UNC79: variants seen among roughly 807,000 people sequenced by gnomAD.
UNC79 encodes protein unc-79 homolog.
Under a neutral mutation model 283.1 loss-of-function variants are expected in UNC79, and 37 were observed. That is an observed-to-expected ratio of 0.13 (90% confidence interval 0.10 to 0.17). The LOEUF is 0.17. UNC79 is among the 10% of genes least tolerant of loss of function. The pLI is 1.00. For synonymous variants in UNC79, 1,107 were observed against 1,200.2 expected (o/e 0.92, Z 1.61); for missense variants, 2,272 against 3,211.1 (o/e 0.71, Z 7.07).
exon 25 of UNC79, chr14:93,600,751 G>A: frequency 6.2e-7 from 1 of 1,613,056 alleles, no homozygotes; most frequent in South Asian, 1.1e-5. Context: ...ATTGTAACAA[G>A]GAATTTCCTT....
rs2056761266 is a variant in UNC79, at chr14:93,455,183, G to A, written c.23-12488G>A. 2.0e-5 allele frequency among the ~76,000 whole-genome samples: 3 copies of A among 152,158 alleles called. No individual in the cohort carries two copies. The South Asian group carries it at 6.2e-4, about 32-fold the overall frequency. Reference sequence around the variant, plus strand: ...TGGACTGTTCAGCCTCTCTACCTGTGTATCCTCTTCCACAACCCTTCATTT... The same window carrying A: ...TGGACTGTTCAGCCTCTCTACCTGTATATCCTCTTCCACAACCCTTCATTT... On this transcript the variant is annotated intron_variant, in intron 1 of 48. Coordinates refer to ENST00000555664, the Ensembl canonical transcript of UNC79.
chr14:93,424,933 T>C (rs2055691117), intron 1 of UNC79, among the ~76,000 whole-genome samples: 1 of 152,186 alleles, frequency 6.6e-6, no homozygotes, highest in Non-Finnish European at 1.5e-5. Flanking sequence ...CTGATGTGCG[T>C]ATTACACATT....
At chr14:93,400,781 G>T (rs2055093257) in intron 1 of UNC79, among the ~76,000 whole-genome samples, 2 of 152,102 alleles carry the variant, frequency 1.3e-5, no homozygotes, top group Non-Finnish European at 2.9e-5. Flanking sequence ...ATCATGGAAG[G>T]GATTTCAATG....
intron 42 of UNC79, among the ~76,000 whole-genome samples, chr14:93,682,957 A>G (rs2073958229): frequency 6.6e-6 from 1 of 152,246 alleles, no homozygotes; most frequent in South Asian, 2.1e-4. Context: ...AAATGCTGTG[A>G]AAATGTTATC....
At chr14:93,507,663 A>C (rs2059613409) in intron 7 of UNC79, among the ~76,000 whole-genome samples, 2 of 151,944 alleles carry the variant, frequency 1.3e-5, no homozygotes, top group African/African-American at 4.8e-5. Context: ...TCTTGGGGTT[A>C]CTCTTTTATT....
chr14:93,622,391 C>T (rs748904903), exon 30 of UNC79: 1 of 1,614,082 alleles, frequency 6.2e-7, no homozygotes, highest in Non-Finnish European at 8.5e-7. Context: ...TCTGGAAGAC[C>T]CTATGGACGC....
intron 11 of UNC79, among the ~76,000 whole-genome samples, chr14:93,532,854 T>A (rs2060894572): frequency 6.6e-6 from 1 of 152,144 alleles, no homozygotes; most frequent in African/African-American, 2.4e-5. Context: ...AGGAGTCCAA[T>A]TAGAAAAAGG....
At chr14:93,685,747 A>T (rs1212533507) in intron 42 of UNC79, among the ~76,000 whole-genome samples, 2 of 152,150 alleles carry the variant, frequency 1.3e-5, no homozygotes, top group African/African-American at 4.8e-5. Flanking sequence ...ACCCAGCCTG[A>T]TGTGTGGTTT....
chr14:93,677,498 G>C (rs190593074), intron 41 of UNC79, among the ~76,000 whole-genome samples: 21 of 152,260 alleles, frequency 1.4e-4, no homozygotes, highest in African/African-American at 5.1e-4. Flanking sequence ...ACTACCATGA[G>C]AACAGTATGG....
At chr14:93,528,095 T>C (rs994466312) in intron 8 of UNC79, among the ~76,000 whole-genome samples, 3 of 152,164 alleles carry the variant, frequency 2.0e-5, no homozygotes, top group Non-Finnish European at 2.9e-5. Flanking sequence ...TTGAATAAGG[T>C]ATGCCTTAAG....
At chr14:93,410,496 T>C (rs1478808315) in intron 1 of UNC79, among the ~76,000 whole-genome samples, 1 of 152,124 alleles carries the variant, frequency 6.6e-6, no homozygotes, top group Non-Finnish European at 1.5e-5. Flanking sequence ...GGGGAGTGCT[T>C]GTGCCACCCC....
intron 10 of UNC79, among the ~76,000 whole-genome samples, chr14:93,530,737 G>A (rs1213972228): frequency 1.3e-5 from 2 of 152,044 alleles, no homozygotes; most frequent in Non-Finnish European, 2.9e-5. Context: ...GTGAAACCCC[G>A]TCACTACTAA....
intron 1 of UNC79, among the ~76,000 whole-genome samples, chr14:93,413,027 T>C (rs1470745359): frequency 6.6e-6 from 1 of 152,140 alleles, no homozygotes; most frequent in African/African-American, 2.4e-5. Context: ...TGTAGACAAC[T>C]CTTATTTTTT....
intron 25 of UNC79, among the ~76,000 whole-genome samples, chr14:93,601,197 G>A (rs144275189): frequency 0.01 from 1,555 of 152,158 alleles, 28 homozygotes; most frequent in African/African-American, 0.035. Flanking sequence ...TGGTGCACCC[G>A]TCACCTGAGC....
intron 30 of UNC79, among the ~76,000 whole-genome samples, chr14:93,623,597 T>TA (rs202048493): frequency 0.015 from 2,289 of 152,294 alleles, 37 homozygotes; most frequent in South Asian, 0.077. Flanking sequence ...TCAGATCTTT[T>TA]AAAAAAAGTT....
chr14:93,479,173 T>TTCCTTCCTTCCC (rs2057970685), intron 4 of UNC79, among the ~76,000 whole-genome samples: 1 of 10,830 alleles, frequency 9.2e-5, no homozygotes, highest in African/African-American at 3.5e-4. Flanking sequence ...ATGAGGCTGT[T>TTCCTTCCTTCCC]TCCTTCCTTC....
intron 25 of UNC79, among the ~76,000 whole-genome samples, chr14:93,602,158 T>C (rs1473206696): frequency 1.3e-5 from 2 of 152,200 alleles, no homozygotes; most frequent in African/African-American, 4.8e-5. Context: ...TTTGAGTACT[T>C]GGTCATGAAC....
intron 4 of UNC79, among the ~76,000 whole-genome samples, chr14:93,484,706 G>A (rs1366169204): frequency 6.6e-6 from 1 of 152,198 alleles, no homozygotes; most frequent in African/African-American, 2.4e-5. Flanking sequence ...GGGACAAGCT[G>A]CACATCTGTT....
chr14:93,604,665 G>T (rs999848166), intron 26 of UNC79, among the ~76,000 whole-genome samples: 4 of 152,094 alleles, frequency 2.6e-5, no homozygotes, highest in Non-Finnish European at 4.4e-5. Flanking sequence ...GTTATTTCTT[G>T]TTCATTAATT....
Sources: allele counts gnomAD v4.1 joint callset (sites outside exome capture counted in the v4.1 genomes callset), GRCh38; gene constraint gnomAD v4.1.1; transcripts MANE v1.5; gene names NCBI Gene and HGNC (gene_info 2026-07-23, HGNC 2026-07-21).